TUBGCP6: variants seen among roughly 807,000 people sequenced by gnomAD.
TUBGCP6 encodes gamma-tubulin complex component 6.
In TUBGCP6, 161 loss-of-function variants were observed where a neutral mutation model predicts 175.8. The ratio of observed to expected loss-of-function variants is 0.92; its 90% CI spans 0.81 to 1.04. TUBGCP6 has a LOEUF of 1.04. TUBGCP6 is among the 50% of genes least tolerant of loss of function. The probability of loss-of-function intolerance (pLI) is 0.00; values close to 1 mark genes in which losing one functional copy is unlikely to be tolerated. For synonymous variants in TUBGCP6, 1,173 were observed against 1,030.5 expected (o/e 1.14, Z -2.65); for missense variants, 2,572 against 2,433.0 (o/e 1.06, Z -1.20).
At chr22:50,240,677 C>A (rs1301275961) in intron 1 of TUBGCP6, among the ~76,000 whole-genome samples, 1 of 152,158 alleles carries the variant, frequency 6.6e-6, no homozygotes, top group Non-Finnish European at 1.5e-5. Flanking sequence ...AAAAAAATCA[C>A]ACTCAACATT....
Position 50,222,568 on chromosome 22 carries a change from G to A in TUBGCP6, c.2295C>T (p.Ser765=). 1 of 1,612,642 alleles carries A rather than the reference G, an allele frequency of 6.2e-7. No homozygotes were observed. The highest frequency in any genetic ancestry group is 8.5e-7 in the Non-Finnish European group (1 of 1,180,018). The stretch of plus-strand genomic sequence containing the variant: ...GACGAGCTGCCTCTGCAGAGAGCTT[G>A]CTGTAGTGGTCGACCAGTGCCTGCC... ...KARQALVDHY[S]KLSAEAARRE... Residue 765 remains serine (S), a synonymous_variant, in exon 14 of 25, where the codon AGC becomes AGT. Transcript: ENST00000248846.
At chr22:50,225,051 G>GACC (rs1555908299) in intron 10 of TUBGCP6, among the ~76,000 whole-genome samples, 1 of 128,548 alleles carries the variant, frequency 7.8e-6, no homozygotes, top group South Asian at 2.8e-4. Flanking sequence ...GCAGGACACC[G>GACC]CCCCCCCGCC....
chr22:50,228,657 T>C (rs1351884235), intron 4 of TUBGCP6, among the ~76,000 whole-genome samples: 1 of 151,988 alleles, frequency 6.6e-6, no homozygotes, highest in African/African-American at 2.4e-5. Flanking sequence ...CCACCATCTC[T>C]AGCTCTCAAG....
Position 50,233,466 on chromosome 22 carries a change from C to T in TUBGCP6, c.966G>A (p.Lys322=), listed in dbSNP as rs1286670113. The T allele has an allele frequency of 1.9e-6, 3 of 1,612,864 alleles. No homozygotes were observed. The highest frequency in any genetic ancestry group is 2.5e-6 in the Non-Finnish European group (3 of 1,179,530). ...LTEAGRDAFD[K]FCRLHQGELQ... is the part of the protein sequence containing the mutation. Reference sequence around the variant, plus strand: ...GCTCCCCTTGGTGGAGCCTGCAGAACTTGTCGAAAGCGTCCCTTCCCGCCT... The same window carrying T: ...GCTCCCCTTGGTGGAGCCTGCAGAATTTGTCGAAAGCGTCCCTTCCCGCCT... Residue 322 remains lysine, a synonymous_variant, in exon 3 of 25, where the codon AAG becomes AAA. Coordinates refer to ENST00000248846, the MANE Select transcript of TUBGCP6 (RefSeq NM_020461.4).
At chr22:50,218,918 C>T (rs755861466) in intron 20 of TUBGCP6, 21 bp from the exon 21 acceptor site, 16 of 1,600,244 alleles carry the variant, frequency 1.0e-5, no homozygotes, top group Admixed American at 1.7e-5. Flanking sequence ...AAGGGACCAC[C>T]GTCCCCAGGA....
chr22:50,219,503 G>C, intron 18 of TUBGCP6, 47 bp from the exon 19 acceptor site: 1 of 1,593,908 alleles, frequency 6.3e-7, no homozygotes, highest in Non-Finnish European at 8.5e-7. Context: ...CCAGCCCAGG[G>C]CTCCGCCCCC....
At chr22:50,236,414 C>T (rs762554887) in intron 2 of TUBGCP6, among the ~76,000 whole-genome samples, 8 of 152,148 alleles carry the variant, frequency 5.3e-5, no homozygotes, top group Non-Finnish European at 1.0e-4. Context: ...GGATTACAGG[C>T]GTGAGCCACT....
chr22:50,229,783 A>C (rs966485424), intron 3 of TUBGCP6, among the ~76,000 whole-genome samples: 2 of 152,252 alleles, frequency 1.3e-5, no homozygotes, highest in Non-Finnish European at 2.9e-5. Flanking sequence ...ACTGAAAAAT[A>C]CATGTTTAAA....
Position 50,219,430 on chromosome 22 carries a change from G to T in TUBGCP6, c.4342C>A (p.Arg1448Ser). ...GCGAAGGCCCGGGGAAGCACGGGGC[G>T]CAAAAGATGAGCAATGGGCGGCTCG... ...MSEPPIAHLLRPVLPRAFAFP... is the reference protein window; with the variant it reads ...MSEPPIAHLLSPVLPRAFAFP... The change falls in exon 19 of 25, where the codon CGC becomes AGC. Residue 1448 changes from arginine to serine, a missense_variant. Transcript: ENST00000248846. 1.9e-6 allele frequency: 3 copies of T among 1,570,824 alleles called. No homozygotes were observed. The highest frequency in any genetic ancestry group is 2.6e-6 in the Non-Finnish European group (3 of 1,158,958).
In TUBGCP6 at chr22:50,220,445, G is replaced by A. The variant is rs534573320; in HGVS notation, c.3914C>T (p.Ala1305Val). ...AGTGCTCTGTGCTCCCAGGCTGAGCGCTGACTGGGACGTGTGGCCAGGGGG... is the reference window on the plus strand; with the variant it reads ...AGTGCTCTGTGCTCCCAGGCTGAGCACTGACTGGGACGTGTGGCCAGGGGG... The part of the protein sequence containing the change: ...QSPPGHTSQS[A>V]LSLGAQSTVL... The change falls in exon 16 of 25, where the codon GCG (alanine) becomes GTG (valine). Residue 1305 changes from alanine to valine, a missense_variant. Coordinates refer to ENST00000248846, the MANE Select transcript of TUBGCP6 (RefSeq NM_020461.4). 132 of 1,612,260 alleles carry A rather than the reference G, an allele frequency of 8.2e-5. 1 individual carries two copies. The highest frequency in any genetic ancestry group is 6.7e-4 in the Admixed American group (40 of 59,946).
chr22:50,243,010 C>G (rs959745101), intron 1 of TUBGCP6, among the ~76,000 whole-genome samples: 31 of 152,182 alleles, frequency 2.0e-4, no homozygotes, highest in Middle Eastern at 3.2e-3. Context: ...CCCCCTTTTA[C>G]CATGATAAAA....
Position 50,244,010 on chromosome 22 carries a change from G to C in TUBGCP6, c.450C>G (p.Cys150Trp), listed in dbSNP as rs778256941. 15 of 1,614,138 alleles carry C rather than the reference G, an allele frequency of 9.3e-6. No homozygotes were observed. The highest frequency in any genetic ancestry group is 1.6e-4 in the Middle Eastern group (1 of 6,062). ...CCATCTCAAACACACTCAGGTCGTC[G>C]CAATCATAGCCGCTGTACGGAACGT... is the stretch of plus-strand genomic sequence containing the variant. ...GRNVPYSGYD[C>W]DDLSVFEMDV... The change falls in exon 1 of 25, where the codon TGC becomes TGG. Residue 150 changes from cysteine (C) to tryptophan (W), a missense_variant. Cys to Trp is a radical substitution (Grantham distance 215). Transcript: ENST00000248846.
chr22:50,233,599 C>T (rs2064722235), intron 2 of TUBGCP6, 73 bp from the exon 3 acceptor site: 7 of 1,397,044 alleles, frequency 5.0e-6, no homozygotes, highest in East Asian at 2.5e-5. Flanking sequence ...TGCTTTCTCT[C>T]GGGAATGGGC....
intron 2 of TUBGCP6, among the ~76,000 whole-genome samples, chr22:50,238,376 G>T (rs180671868): frequency 1.3e-5 from 2 of 150,960 alleles, no homozygotes; most frequent in African/African-American, 4.9e-5. Flanking sequence ...GAACCCGGGA[G>T]GCGGAGGTTG....
At chr22:50,238,194 C>T (rs1267686887) in intron 2 of TUBGCP6, among the ~76,000 whole-genome samples, 1 of 150,550 alleles carries the variant, frequency 6.6e-6, no homozygotes, top group Non-Finnish European at 1.5e-5. Context: ...GTTTGGGGGA[C>T]CTAGTTTGTT....
chr22:50,224,878 G>A (rs999402350), intron 10 of TUBGCP6, among the ~76,000 whole-genome samples: 6 of 152,044 alleles, frequency 3.9e-5, no homozygotes, highest in African/African-American at 1.5e-4. Context: ...TGTTCGAGCC[G>A]CTGCACTCCA....
intron 6 of TUBGCP6, 59 bp from the exon 7 acceptor site, chr22:50,226,901 G>A (rs1036804919): frequency 7.9e-5 from 122 of 1,553,934 alleles, no homozygotes; most frequent in Non-Finnish European, 9.2e-5. Flanking sequence ...GGAGTGAGGC[G>A]CAGCCCTGCC....
Position 50,229,400 on chromosome 22 carries a change from A to G in TUBGCP6, c.1290+4T>C. ...GTGTGACAACCATGAGGCAAAGGCC[A>G]TACCTGGAACACGAGGCCCTTGCTG... On this transcript the variant is annotated splice_donor_region_variant and intron_variant, in intron 4 of 24. Coordinates refer to ENST00000248846, the MANE Select transcript of TUBGCP6 (RefSeq NM_020461.4). 6.2e-7 allele frequency: 1 copy of G among 1,613,258 alleles called. No individual in the cohort carries two copies. Among genetic ancestry groups the G allele is most frequent in the South Asian group, 1.1e-5 (1 of 90,960 alleles).
At position 50,231,458 on chromosome 22, in the gene TUBGCP6, A is replaced by AT. The variant is rs1569120341; in HGVS notation, c.1116+1857_1116+1858insA. ...GACAGAGTGAGAATCCGTCTCAAAA[A>AT]GAAAAAAAAAATACAAAATAGAAAA... On this transcript the variant is annotated intron_variant, in intron 3 of 24. Coordinates refer to ENST00000248846, the MANE Select transcript of TUBGCP6 (RefSeq NM_020461.4). Among the ~76,000 whole-genome samples the AT allele has an allele frequency of 6.4e-4, 97 of 151,664 alleles. 1 individual carries two copies. Among genetic ancestry groups the AT allele is most frequent in the African/African-American group, 2.3e-3 (95 of 41,390 alleles).
Sources: gnomAD v4.1 joint callset for allele counts (sites outside exome capture counted in the v4.1 genomes callset) on GRCh38, gnomAD v4.1.1 for gene constraint, MANE v1.5 for transcripts, NCBI Gene and HGNC (gene_info 2026-07-23, HGNC 2026-07-21) for gene names.